CENPK: variants seen among roughly 807,000 people sequenced by gnomAD.
The protein encoded by CENPK is SoxLZ/Sox6-binding protein Solt.
A neutral mutation model predicts 40.9 loss-of-function variants in CENPK; 46 were observed. The observed-to-expected ratio is 1.13, with a 90% CI of 0.89 to 1.44. The LOEUF (loss-of-function observed/expected upper bound fraction) is 1.44, where lower values mean the gene tolerates loss of function less well. Ranked by LOEUF, CENPK falls within the 40% of genes most tolerant of loss-of-function variation. The pLI, the probability that CENPK is intolerant of heterozygous loss-of-function variation, is 0.00. For synonymous variants in CENPK, 107 were observed against 104.4 expected (o/e 1.02, Z -0.15); for missense variants, 288 against 303.5 (o/e 0.95, Z 0.38).
rs1237401742 is a variant in CENPK, at chr5:65,552,490, T to C, written c.168+3A>G. ...TATTTTTTAGGAAGAAAAAGATTCA[T>C]ACCTGAGCATTTGAATCGGTGAGTG... On this transcript the variant is annotated splice_donor_region_variant and intron_variant, in intron 4 of 10. Coordinates refer to ENST00000396679, the MANE Select transcript of CENPK (RefSeq NM_022145.5). 2.0e-6 allele frequency: 3 copies of C among 1,528,154 alleles called. No individual in the cohort carries two copies. Among genetic ancestry groups the C allele is most frequent in the Admixed American group, 2.1e-5 (1 of 48,704 alleles). 94.7% of individuals were successfully genotyped at this position (1,528,154 alleles called of 1,614,324 possible).
At chr5:65,510,430 C>G in the CENPK span, among the ~76,000 whole-genome samples, 152,083 of 152,320 alleles carry the variant, frequency 1, 75,927 homozygotes, top group Middle Eastern at 1. Context: ...GCAGTATTGA[C>G]AGGCAGGGAG....
At chr5:65,542,594 G>A (rs563084985) in intron 6 of CENPK, among the ~76,000 whole-genome samples, 20 of 151,776 alleles carry the variant, frequency 1.3e-4, no homozygotes, top group African/African-American at 4.6e-4. Flanking sequence ...CCAGGATTGT[G>A]CCACTGCATT....
At chr5:65,498,553 A>G in the CENPK span, among the ~76,000 whole-genome samples, 1 of 152,008 alleles carries the variant, frequency 6.6e-6, no homozygotes, top group Non-Finnish European at 1.5e-5. Context: ...AAATTCAAGA[A>G]GAAAACTATT....
chr5:65,532,242 A>G (rs1745974201), intron 6 of CENPK, among the ~76,000 whole-genome samples: 1 of 152,202 alleles, frequency 6.6e-6, no homozygotes, highest in Non-Finnish European at 1.5e-5. Context: ...AAATTTTCAC[A>G]GATGAAAATT....
chr5:65,558,805 T>C (rs1751420675), intron 2 of CENPK, among the ~76,000 whole-genome samples: 1 of 152,030 alleles, frequency 6.6e-6, no homozygotes, highest in South Asian at 2.1e-4. Flanking sequence ...ACATAATCAC[T>C]AGGGGAAAGA....
At chr5:65,495,860 C>T in the CENPK span, among the ~76,000 whole-genome samples, 6 of 152,112 alleles carry the variant, frequency 3.9e-5, no homozygotes, top group African/African-American at 9.7e-5. Context: ...TTAAAAAATA[C>T]TCATTGTTGG....
In CENPK at chr5:65,555,599, C is replaced by T. The variant is rs184790081; in HGVS notation, c.-39-653G>A. Among the ~76,000 whole-genome samples, 6 of 152,248 alleles carry T rather than the reference C, an allele frequency of 3.9e-5. 1 individual carries two copies. Among genetic ancestry groups the T allele is most frequent in the Admixed American group, 3.3e-4 (5 of 15,302 alleles). On this transcript the variant is annotated intron_variant, in intron 2 of 10. Coordinates refer to ENST00000396679, the MANE Select transcript of CENPK (RefSeq NM_022145.5). ...GGCAGTAAGGATAGAAGCAGGAAAA[C>T]CAATTAGAAAGCTACTGCAATGACC...
intron 6 of CENPK, among the ~76,000 whole-genome samples, chr5:65,533,567 G>A (rs1185686094): frequency 6.6e-6 from 1 of 151,894 alleles, no homozygotes; most frequent in Non-Finnish European, 1.5e-5. Flanking sequence ...TGAAGTACAA[G>A]TTCTAGGACA....
At chr5:65,553,780 G>C (rs968453355) in intron 3 of CENPK, among the ~76,000 whole-genome samples, 2 of 152,052 alleles carry the variant, frequency 1.3e-5, no homozygotes, top group African/African-American at 4.8e-5. Flanking sequence ...TTTTTACCAG[G>C]ACTATTACTA....
chr5:65,528,399 C>A, intron 9 of CENPK, 53 bp downstream of exon 9: 1 of 1,526,588 alleles, frequency 6.6e-7, no homozygotes, highest in Non-Finnish European at 8.8e-7. Flanking sequence ...CTAAACCCAC[C>A]TAAAATAATT....
chr5:65,522,669 G>A (rs1377763568), intron 9 of CENPK, among the ~76,000 whole-genome samples: 1 of 152,162 alleles, frequency 6.6e-6, no homozygotes. Flanking sequence ...GGCTTCAAGT[G>A]ATCCTCCCAC....
chr5:65,501,170 GTTTGT>G, the CENPK span, among the ~76,000 whole-genome samples: 3 of 126,282 alleles, frequency 2.4e-5, no homozygotes, highest in African/African-American at 5.7e-5. Context: ...CAATTGCTAA[GTTTGT>G]TTTTTTTTTT....
intron 6 of CENPK, among the ~76,000 whole-genome samples, chr5:65,535,617 T>A (rs531534272): frequency 6.6e-6 from 1 of 152,290 alleles, no homozygotes; most frequent in Admixed American, 6.5e-5. Flanking sequence ...ACGTCACACA[T>A]AGTTGCAGGG....
At chr5:65,561,791 G>A (rs181358729) in intron 1 of CENPK, among the ~76,000 whole-genome samples, 59 of 152,130 alleles carry the variant, frequency 3.9e-4, no homozygotes, top group African/African-American at 1.3e-3. Flanking sequence ...AAAGAAACTC[G>A]TACTATTAAT....
chr5:65,517,881 G>A lies in CENPK; in HGVS notation c.*594C>T, dbSNP rs1743004554. On this transcript the variant is annotated 3_prime_UTR_variant, in exon 11 of 11. Coordinates refer to ENST00000396679, the MANE Select transcript of CENPK (RefSeq NM_022145.5). ...GAATCAAGAGTAGATTAATATATAA[G>A]GTAACATGATATATTAATAATACAA... 1 of 151,730 alleles carries A rather than the reference G, an allele frequency of 6.6e-6. No homozygotes were observed. Among genetic ancestry groups the A allele is most frequent in the African/African-American group, 2.4e-5 (1 of 41,342 alleles). The allele number at this position is 151,730 out of a possible 1,614,324, so 9.4% of individuals were successfully genotyped here. A position where few individuals can be genotyped will look rare whatever the true frequency, so the allele number is the denominator to read the frequency against.
intron 5 of CENPK, 51 bp downstream of exon 5, chr5:65,551,513 T>A (rs768948315): frequency 1.0e-6 from 1 of 957,430 alleles, no homozygotes; most frequent in South Asian, 1.8e-5. Flanking sequence ...ATTAAATTAA[T>A]TTGCTATTAA....
chr5:65,528,013 G>A (rs1745037214), intron 9 of CENPK, among the ~76,000 whole-genome samples: 2 of 152,126 alleles, frequency 1.3e-5, no homozygotes, highest in Admixed American at 6.5e-5. Flanking sequence ...GCCGAGGTGG[G>A]CAGATTGCCT....
At chr5:65,555,050 A>G in intron 2 of CENPK, 104 bp from the exon 3 acceptor site, 1 of 626,398 alleles carries the variant, frequency 1.6e-6, no homozygotes, top group Non-Finnish European at 2.8e-6. Context: ...CAAAATAGAC[A>G]AAAATCCCTC....
intron 3 of CENPK, among the ~76,000 whole-genome samples, chr5:65,554,420 G>A (rs987672004): frequency 6.6e-6 from 1 of 152,168 alleles, no homozygotes; most frequent in Non-Finnish European, 1.5e-5. Context: ...AAAATGCTGG[G>A]ATTACAGGCG....
Sources: allele counts gnomAD v4.1 joint callset (sites outside exome capture counted in the v4.1 genomes callset), GRCh38; gene constraint gnomAD v4.1.1; transcripts MANE v1.5; gene names NCBI Gene and HGNC (gene_info 2026-07-23, HGNC 2026-07-21).